PBX1: variants seen among roughly 807,000 people sequenced by gnomAD.
PBX1 encodes the protein PBX homeobox 1.
A neutral mutation model predicts 53.4 loss-of-function variants in PBX1; 6 were observed. That is an observed-to-expected ratio of 0.11 (90% CI 0.06 to 0.22). The LOEUF is 0.22. Ranked by LOEUF, PBX1 falls within the 10% of genes least tolerant of loss-of-function variation. The pLI, the probability that PBX1 is intolerant of heterozygous loss-of-function variation, is 1.00. For missense variants in PBX1, 251 were observed against 551.4 expected (o/e 0.46, Z 5.46); for synonymous variants, 204 against 212.3 (o/e 0.96, Z 0.34).
intron 2 of PBX1, among the ~76,000 whole-genome samples, chr1:164,791,231 T>TAA (rs138824666): frequency 0.047 from 7,100 of 152,204 alleles, 573 homozygotes; most frequent in African/African-American, 0.16. Flanking sequence ...GAAGGGGTAG[T>TAA]AAAAAAGACT....
At chr1:164,718,938 C>T (rs1385538217) in intron 2 of PBX1, among the ~76,000 whole-genome samples, 1 of 152,178 alleles carries the variant, frequency 6.6e-6, no homozygotes, top group East Asian at 1.9e-4. Context: ...GTAAGTCCCT[C>T]TCCTCCAAGT....
Position 164,848,587 on chromosome 1 carries a change from T to A in PBX1, c.*1911T>A. ...TGACAAAGAGAAGAGTTATTGTTGA[T>A]CTTCTTGGTTTTGGTCTGTCTCTTT... On this transcript the variant is annotated 3_prime_UTR_variant, in exon 9 of 9. Coordinates refer to ENST00000420696, the MANE Select transcript of PBX1 (RefSeq NM_002585.4). 1 of 1,058,836 alleles carries A rather than the reference T, an allele frequency of 9.4e-7. No individual in the cohort carries two copies. Among genetic ancestry groups the A allele is most frequent in the Admixed American group, 5.4e-5 (1 of 18,522 alleles). 65.6% of individuals were successfully genotyped at this position (1,058,836 alleles called of 1,614,324 possible). A position where few individuals can be genotyped will look rare whatever the true frequency, so the allele number is the denominator to read the frequency against.
At chr1:164,737,659 A>G (rs557193966) in intron 2 of PBX1, among the ~76,000 whole-genome samples, 3 of 152,082 alleles carry the variant, frequency 2.0e-5, no homozygotes, top group East Asian at 3.9e-4. Flanking sequence ...TTGTATCTTT[A>G]GTAGAGACAG....
At chr1:164,838,250 G>T (rs1671136475) in intron 8 of PBX1, among the ~76,000 whole-genome samples, 1 of 152,260 alleles carries the variant, frequency 6.6e-6, no homozygotes, top group African/African-American at 2.4e-5. Context: ...CTTACTCTTA[G>T]GTCTTAGACC....
intron 2 of PBX1, among the ~76,000 whole-genome samples, chr1:164,640,053 A>G (rs533366473): frequency 6.6e-6 from 1 of 152,292 alleles, no homozygotes; most frequent in Non-Finnish European, 1.5e-5. Flanking sequence ...GTAGGTAGAA[A>G]GCCGCCAAGG....
At chr1:164,590,169 G>T (rs1452226695) in intron 2 of PBX1, among the ~76,000 whole-genome samples, 1 of 151,574 alleles carries the variant, frequency 6.6e-6, no homozygotes, top group Non-Finnish European at 1.5e-5. Context: ...CCGTGATCGT[G>T]CTGCTGTGCT....
At chr1:164,617,393 T>G (rs1185036597) in intron 2 of PBX1, among the ~76,000 whole-genome samples, 1 of 152,210 alleles carries the variant, frequency 6.6e-6, no homozygotes, top group South Asian at 2.1e-4. Flanking sequence ...TGGATGGTGG[T>G]TCAGTAATGT....
intron 2 of PBX1, among the ~76,000 whole-genome samples, chr1:164,623,536 G>A (rs768872973): frequency 6.6e-5 from 10 of 152,156 alleles, no homozygotes; most frequent in East Asian, 3.9e-4. Flanking sequence ...ACCTTTTTAC[G>A]CCCAAGCAGC....
intron 2 of PBX1, among the ~76,000 whole-genome samples, chr1:164,787,348 C>T (rs1053649356): frequency 6.6e-6 from 1 of 152,120 alleles, no homozygotes; most frequent in Non-Finnish European, 1.5e-5. Flanking sequence ...TGAAGACCAC[C>T]CTCCCTGTAG....
At chr1:164,643,363 G>A (rs1373106434) in intron 2 of PBX1, among the ~76,000 whole-genome samples, 2 of 152,152 alleles carry the variant, frequency 1.3e-5, no homozygotes, top group Admixed American at 6.5e-5. Context: ...TAAAAAGAAA[G>A]GGCAAAGTTC....
At chr1:164,656,119 C>T (rs559120641) in intron 2 of PBX1, among the ~76,000 whole-genome samples, 23 of 152,020 alleles carry the variant, frequency 1.5e-4, no homozygotes, top group African/African-American at 5.5e-4. Flanking sequence ...ATTATTTGAC[C>T]AGAAATTGGG....
At chr1:164,827,044 A>G (rs1670504470) in intron 8 of PBX1, among the ~76,000 whole-genome samples, 2 of 152,222 alleles carry the variant, frequency 1.3e-5, no homozygotes, top group Admixed American at 6.5e-5. Context: ...TAAATAGTAT[A>G]TAAATCATTA....
At chr1:164,748,285 G>A (rs1156542639) in intron 2 of PBX1, among the ~76,000 whole-genome samples, 4 of 152,138 alleles carry the variant, frequency 2.6e-5, no homozygotes, top group Non-Finnish European at 5.9e-5. Context: ...GTTCATTGAG[G>A]TTCGACTGAC....
At chr1:164,564,154 A>G (rs977593890) in intron 2 of PBX1, 3 of 152,196 alleles carry the variant, frequency 2.0e-5, no homozygotes, top group African/African-American at 7.2e-5. Flanking sequence ...ATCTGAAACC[A>G]GGGAATAAAG....
intron 2 of PBX1, among the ~76,000 whole-genome samples, chr1:164,621,361 C>G (rs1308046235): frequency 6.6e-6 from 1 of 152,170 alleles, no homozygotes; most frequent in East Asian, 1.9e-4. Context: ...TTTCTTTTAT[C>G]CCCAACGGGG....
At chr1:164,701,696 C>T (rs1377045516) in intron 2 of PBX1, among the ~76,000 whole-genome samples, 1 of 152,174 alleles carries the variant, frequency 6.6e-6, no homozygotes, top group African/African-American at 2.4e-5. Context: ...AATTAAAATG[C>T]CACCAATGCC....
chr1:164,830,508 A>G (rs1366066173), intron 8 of PBX1, among the ~76,000 whole-genome samples: 1 of 152,230 alleles, frequency 6.6e-6, no homozygotes, highest in African/African-American at 2.4e-5. Flanking sequence ...GCTTCAAACT[A>G]TTAAATAATA....
chr1:164,622,564 T>G (rs1657753432), intron 2 of PBX1, among the ~76,000 whole-genome samples: 2 of 152,170 alleles, frequency 1.3e-5, no homozygotes, highest in African/African-American at 2.4e-5. Flanking sequence ...GATGTGCACA[T>G]GCTGTTAACT....
chr1:164,651,161 G>A (rs1449103854), intron 2 of PBX1, among the ~76,000 whole-genome samples: 1 of 152,074 alleles, frequency 6.6e-6, no homozygotes, highest in Non-Finnish European at 1.5e-5. Context: ...TAATTTAATT[G>A]TATTTTATTT....
Sources: allele counts gnomAD v4.1 joint callset (sites outside exome capture counted in the v4.1 genomes callset), GRCh38; gene constraint gnomAD v4.1.1; transcripts MANE v1.5; gene names NCBI Gene and HGNC (gene_info 2026-07-23, HGNC 2026-07-21).